Variants in MCMBP observed in about 807,000 individuals in gnomAD.
MCMBP encodes the protein minichromosome maintenance complex binding protein, also known as mini-chromosome maintenance complex-binding protein.
Under a neutral mutation model 81.3 loss-of-function variants are expected in MCMBP, and 31 were observed. That is an observed-to-expected ratio of 0.38 (90% CI 0.29 to 0.51). The LOEUF (loss-of-function observed/expected upper bound fraction) is 0.51, where lower values mean the gene tolerates loss of function less well. MCMBP is among the 20% of genes least tolerant of loss of function. The probability of loss-of-function intolerance (pLI) is 0.87; values close to 1 mark genes in which losing one functional copy is unlikely to be tolerated. For missense variants in MCMBP, 645 were observed against 772.1 expected, an observed-to-expected ratio of 0.84 and a Z score of 1.95; for synonymous variants, 267 against 275.9, an observed-to-expected ratio of 0.97 and a Z score of 0.32.
At chr10:119,859,446 A>G (rs182982856) in intron 2 of MCMBP, among the ~76,000 whole-genome samples, 2 of 152,320 alleles carry the variant, frequency 1.3e-5, no homozygotes, top group East Asian at 3.9e-4. Context: ...CATTCAGAAC[A>G]CTTTTCAATG....
At chr10:119,871,635 G>GT (rs929907835) in intron 1 of MCMBP, among the ~76,000 whole-genome samples, 6 of 151,966 alleles carry the variant, frequency 3.9e-5, no homozygotes, top group African/African-American at 1.2e-4. Flanking sequence ...ACCCCAAGAT[G>GT]TTTTTTTCAA....
Position 119,838,608 on chromosome 10 carries a change from G to A in MCMBP, c.1335C>T (p.Leu445=). ...GGGAAGTATTGCTGGGCAGCTGGAG[G>A]AGCCCACTGACCAAGCGATTGGCTG... is the stretch of plus-strand genomic sequence containing the variant. ...DYTANRLVSG[L]LQLPSNTSLV... is the part of the protein sequence containing the mutation. Residue 445 remains leucine (L), a synonymous_variant, in exon 12 of 16, where the codon CTC becomes CTT. Transcript: ENST00000369077. 1 of 1,614,138 alleles carries A rather than the reference G, an allele frequency of 6.2e-7. No individual in the cohort carries two copies. Among genetic ancestry groups the A allele is most frequent in the South Asian group, 1.1e-5 (1 of 91,086 alleles).
At chr10:119,832,258 GATGAAA>G (rs1182512830) in intron 14 of MCMBP, among the ~76,000 whole-genome samples, 158 bp from the exon 15 acceptor site, 1 of 152,136 alleles carries the variant, frequency 6.6e-6, no homozygotes, top group Non-Finnish European at 1.5e-5. Context: ...TAATGCTGCT[GATGAAA>G]ATAAAATAAT....
chr10:119,869,775 A>G (rs905950785), intron 1 of MCMBP, among the ~76,000 whole-genome samples: 1 of 152,166 alleles, frequency 6.6e-6, no homozygotes, highest in Non-Finnish European at 1.5e-5. Flanking sequence ...CCTAGAACGG[A>G]TAAGATACAG....
intron 10 of MCMBP, among the ~76,000 whole-genome samples, chr10:119,842,239 T>C (rs1852458541): frequency 6.6e-6 from 1 of 152,234 alleles, no homozygotes; most frequent in Non-Finnish European, 1.5e-5. Context: ...TGGGGACCAC[T>C]GCTTTATCTG....
At chr10:119,859,303 CA>C (rs1219237383) in intron 2 of MCMBP, 122 bp from the exon 3 acceptor site, 141 of 777,106 alleles carry the variant, frequency 1.8e-4, no homozygotes, top group African/African-American at 1.6e-3. Flanking sequence ...CACACACACA[CA>C]CCCATGCCAC....
intron 6 of MCMBP, 62 bp downstream of exon 6, chr10:119,852,988 C>T: frequency 1.9e-6 from 3 of 1,585,446 alleles, no homozygotes; most frequent in Non-Finnish European, 2.6e-6. Flanking sequence ...TAACAATTCA[C>T]TCTGAAAACC....
At chr10:119,850,874 G>GTTTTTTTTTTTTTTTTTTTTTT (rs1284100421) in intron 6 of MCMBP, among the ~76,000 whole-genome samples, 26 of 130,540 alleles carry the variant, frequency 2.0e-4, no homozygotes, top group Non-Finnish European at 3.1e-4. Flanking sequence ...TACAAGATCT[G>GTTTTTTTTTTTTTTTTTTTTTT]TTTTTTTTTT....
At chr10:119,870,813 A>G (rs1853645056) in intron 1 of MCMBP, among the ~76,000 whole-genome samples, 2 of 152,236 alleles carry the variant, frequency 1.3e-5, no homozygotes, top group South Asian at 4.1e-4. Context: ...ACTTTTCTAT[A>G]AGACACAACG....
intron 1 of MCMBP, among the ~76,000 whole-genome samples, chr10:119,862,659 A>C (rs1180258975): frequency 1.3e-5 from 2 of 152,168 alleles, no homozygotes; most frequent in Non-Finnish European, 2.9e-5. Context: ...ACGTGTCTGC[A>C]GGTTTTCATG....
At chr10:119,857,730 G>A (rs970461595) in intron 4 of MCMBP, 1 of 204,466 alleles carries the variant, frequency 4.9e-6, no homozygotes, top group Non-Finnish European at 9.9e-6. Flanking sequence ...TTACTTTTAT[G>A]ATGTTATCTA....
intron 5 of MCMBP, among the ~76,000 whole-genome samples, chr10:119,857,119 A>T (rs1853079308): frequency 6.6e-6 from 1 of 151,798 alleles, no homozygotes; most frequent in Non-Finnish European, 1.5e-5. Context: ...AAAAAAAAAA[A>T]AATTACTTCA....
At chr10:119,842,767 C>CTTTT in intron 9 of MCMBP, 172 bp from the exon 10 acceptor site, 6 of 487,478 alleles carry the variant, frequency 1.2e-5, no homozygotes, top group South Asian at 2.7e-5. Context: ...TTGCATCCTC[C>CTTTT]TTTTTTTTTT....
chr10:119,855,381 T>C (rs1433219919), intron 5 of MCMBP, among the ~76,000 whole-genome samples: 3 of 152,132 alleles, frequency 2.0e-5, no homozygotes, highest in African/African-American at 7.2e-5. Flanking sequence ...TTTAAAAAGC[T>C]AGAAAAAGGG....
At chr10:119,844,031 CA>C (rs1278231452) in intron 8 of MCMBP, among the ~76,000 whole-genome samples, 2 of 152,174 alleles carry the variant, frequency 1.3e-5, no homozygotes, top group African/African-American at 4.8e-5. Context: ...AAGGCTATTT[CA>C]AAACACAGGT....
rs918302432 is a variant in MCMBP at position 119,840,832 on chromosome 10, A to C, written c.1242+11T>G. Reference sequence around the variant, plus strand: ...GCTTAGGTTTATAATACATATTTATATTCATCTTACTGCTGGAACAAGATG... The same window carrying C: ...GCTTAGGTTTATAATACATATTTATCTTCATCTTACTGCTGGAACAAGATG... On this transcript the variant is annotated intron_variant, in intron 11 of 15. Coordinates refer to ENST00000369077, the MANE Select transcript of MCMBP (RefSeq NM_001256378.2). 7.3e-6 allele frequency: 11 copies of C among 1,502,056 alleles called. No individual in the cohort carries two copies. Among genetic ancestry groups the C allele is most frequent in the Non-Finnish European group, 1.0e-5 (11 of 1,095,982 alleles). 93.0% of individuals were successfully genotyped at this position (1,502,056 alleles called of 1,614,324 possible).
intron 10 of MCMBP, among the ~76,000 whole-genome samples, chr10:119,841,576 C>G (rs762493470): frequency 2.0e-5 from 3 of 152,186 alleles, no homozygotes; most frequent in Non-Finnish European, 4.4e-5. Flanking sequence ...AAACAAGACA[C>G]GCATCTGTGC....
chr10:119,857,860 T>C (rs1468503451), intron 4 of MCMBP: 2 of 153,200 alleles, frequency 1.3e-5, no homozygotes, highest in African/African-American at 4.8e-5. Flanking sequence ...TTAAATATTC[T>C]AGTTCAGTAG....
At chr10:119,850,594 A>G (rs1852775287) in intron 6 of MCMBP, among the ~76,000 whole-genome samples, 1 of 151,724 alleles carries the variant, frequency 6.6e-6, no homozygotes, top group South Asian at 2.1e-4. Flanking sequence ...CTAAAAATAC[A>G]AAAAATTAGC....
Sources: allele counts gnomAD v4.1 joint callset (sites outside exome capture counted in the v4.1 genomes callset), GRCh38; gene constraint gnomAD v4.1.1; transcripts MANE v1.5; gene names NCBI Gene and HGNC (gene_info 2026-07-23, HGNC 2026-07-21).